The following KIAA2012 variants were observed in gnomAD, a reference collection of about 807,000 sequenced individuals.
KIAA2012 encodes uncharacterized protein KIAA2012.
In KIAA2012, 125 loss-of-function variants were observed where a neutral mutation model predicts 150.6. The ratio of observed to expected loss-of-function variants is 0.83; its 90% confidence interval spans 0.72 to 0.96. The LOEUF is 0.96. Ranked by LOEUF, KIAA2012 falls within the 40% of genes least tolerant of loss-of-function variation. The pLI is 0.00. For synonymous variants in KIAA2012, 462 were observed against 504.7 expected (o/e 0.92, Z 1.13); for missense variants, 1,219 against 1,354.9 (o/e 0.90, Z 1.57).
chr2:202,164,125 GATTCC>G, intron 14 of KIAA2012, among the ~76,000 whole-genome samples: 1 of 152,206 alleles, frequency 6.6e-6, no homozygotes, highest in Non-Finnish European at 1.5e-5. Context: ...CTTCATGCCA[GATTCC>G]AGCTCTAGCA....
rs1039124034 is a variant in KIAA2012 at position 202,201,495 on chromosome 2, C to G, written c.3408-934C>G. On this transcript the variant is annotated intron_variant, in intron 22 of 23. Coordinates refer to ENST00000498697, the MANE Select transcript of KIAA2012 (RefSeq NM_001277372.4). ...AAGCTGAGCAGCACTGGGAGGGCAT[C>G]CAGGAGGTGGAGGAAGAATGTTGCC... The G allele has an allele frequency of 2.1e-5, 33 of 1,604,686 alleles. No individual in the cohort carries two copies. The African/African-American group carries it at 3.9e-4, about 19-fold the overall frequency.
At chr2:202,202,621 T>G (rs774210330) in intron 23 of KIAA2012, 34 bp downstream of exon 23, 226 of 397,760 alleles carry the variant, frequency 5.7e-4, no homozygotes, top group Middle Eastern at 1.2e-3. Flanking sequence ...AAAGGAGAAA[T>G]TCCCCTTTAT....
At chr2:202,198,366 T>G (rs1284188190) in intron 22 of KIAA2012, among the ~76,000 whole-genome samples, 1 of 151,870 alleles carries the variant, frequency 6.6e-6, no homozygotes, top group Non-Finnish European at 1.5e-5. Context: ...AAGAAAGAAA[T>G]GAGACTGGCA....
chr2:202,110,578 G>A (rs1245413468), intron 10 of KIAA2012, among the ~76,000 whole-genome samples: 1 of 152,186 alleles, frequency 6.6e-6, no homozygotes, highest in African/African-American at 2.4e-5. Flanking sequence ...GAGATGACAT[G>A]TGTTTGGGGG....
intron 13 of KIAA2012, among the ~76,000 whole-genome samples, chr2:202,138,733 T>G (rs1470242844): frequency 6.6e-6 from 1 of 152,206 alleles, no homozygotes; most frequent in African/African-American, 2.4e-5. Flanking sequence ...CTTGTGTGAA[T>G]AAGCTCAAGG....
chr2:202,145,262 C>G (rs1054727432), intron 13 of KIAA2012, among the ~76,000 whole-genome samples: 4 of 152,314 alleles, frequency 2.6e-5, no homozygotes, highest in African/African-American at 9.6e-5. Context: ...TCTCCCTTCT[C>G]TCTCTCCCCA....
At chr2:202,091,834 C>T (rs1412138371) in intron 3 of KIAA2012, among the ~76,000 whole-genome samples, 1 of 152,188 alleles carries the variant, frequency 6.6e-6, no homozygotes, top group Middle Eastern at 3.2e-3. Flanking sequence ...GACTGACTTT[C>T]TTCCTGCTTT....
In KIAA2012 at chr2:202,121,818, A is replaced by C. The variant is rs534877263; in HGVS notation, c.1763-3396A>C. 7.2e-5 allele frequency among the ~76,000 whole-genome samples: 11 copies of C among 152,300 alleles called. 1 individual carries two copies. The South Asian group carries it at 2.3e-3, about 32-fold the overall frequency. ...TTCACAAGCCAGTAACTGTACCACA[A>C]GGCAGAATGAAATGAGTGCCATCAC... is the stretch of plus-strand genomic sequence containing the variant. On this transcript the variant is annotated intron_variant, in intron 11 of 23. Transcript: ENST00000498697.
intron 3 of KIAA2012, among the ~76,000 whole-genome samples, chr2:202,091,605 G>A (rs543114015): frequency 2.0e-5 from 3 of 152,258 alleles, no homozygotes; most frequent in South Asian, 2.1e-4. Flanking sequence ...ACCCACCCCC[G>A]CAACACGCAT....
chr2:202,090,510 C>T (rs1321721470), intron 2 of KIAA2012, among the ~76,000 whole-genome samples: 1 of 152,244 alleles, frequency 6.6e-6, no homozygotes, highest in Non-Finnish European at 1.5e-5. Flanking sequence ...TTTACCCTTT[C>T]CTAATACTCT....
chr2:202,082,458 G>A (rs1023717313), intron 2 of KIAA2012, among the ~76,000 whole-genome samples: 4 of 151,976 alleles, frequency 2.6e-5, no homozygotes, highest in South Asian at 2.1e-4. Context: ...CTTTTCACTC[G>A]GTTGATAGTG....
intron 15 of KIAA2012, among the ~76,000 whole-genome samples, chr2:202,172,038 G>C (rs1691904920): frequency 6.6e-6 from 1 of 152,124 alleles, no homozygotes. Flanking sequence ...GTAGAGACGG[G>C]TTTTCGCCAG....
At chr2:202,102,249 GAC>G (rs1247933348) in intron 7 of KIAA2012, among the ~76,000 whole-genome samples, 1 of 152,030 alleles carries the variant, frequency 6.6e-6, no homozygotes, top group African/African-American at 2.4e-5. Context: ...TGCTGATTCT[GAC>G]ACACAATGAT....
chr2:202,189,139 C>T (rs975438838), intron 18 of KIAA2012, among the ~76,000 whole-genome samples: 12 of 152,116 alleles, frequency 7.9e-5, no homozygotes, highest in East Asian at 1.9e-4. Flanking sequence ...AAAGGTGAAG[C>T]GAAGGAAGGG....
chr2:202,111,304 G>T (rs1265223999), intron 10 of KIAA2012, among the ~76,000 whole-genome samples: 2 of 145,774 alleles, frequency 1.4e-5, no homozygotes, highest in Non-Finnish European at 3.0e-5. Flanking sequence ...AGACCAGCTT[G>T]TGCAACAAGG....
chr2:202,199,842 G>C (rs1433516490), intron 22 of KIAA2012, among the ~76,000 whole-genome samples: 1 of 148,954 alleles, frequency 6.7e-6, no homozygotes, highest in Non-Finnish European at 1.5e-5. Context: ...ACCAATTTTT[G>C]ATCTGAAAAC....
At chr2:202,102,078 A>C in intron 7 of KIAA2012, among the ~76,000 whole-genome samples, 1 of 152,150 alleles carries the variant, frequency 6.6e-6, no homozygotes, top group East Asian at 1.9e-4. Flanking sequence ...TCATATGTTA[A>C]AAGTTGCAAA....
intron 15 of KIAA2012, among the ~76,000 whole-genome samples, chr2:202,175,625 A>G (rs1691975818): frequency 6.6e-6 from 1 of 152,204 alleles, no homozygotes. Context: ...AGAAAGTGAG[A>G]CTTCCCCAGA....
chr2:202,154,523 TG>T (rs1294887280), intron 13 of KIAA2012, 149 bp from the exon 14 acceptor site: 4 of 710,906 alleles, frequency 5.6e-6, no homozygotes, highest in African/African-American at 5.4e-5. Flanking sequence ...TAGGGTCCTC[TG>T]TGTCTTCAAC....
Sources: gnomAD v4.1 joint callset for allele counts (sites outside exome capture counted in the v4.1 genomes callset) on GRCh38, gnomAD v4.1.1 for gene constraint, MANE v1.5 for transcripts, NCBI Gene and HGNC (gene_info 2026-07-23, HGNC 2026-07-21) for gene names.